MIDN: variants seen among roughly 807,000 people sequenced by gnomAD.
The protein encoded by MIDN is midnolin.
In MIDN, 26 loss-of-function variants were observed where a neutral mutation model predicts 46.1. The observed-to-expected ratio is 0.56, with a 90% confidence interval of 0.41 to 0.78. The LOEUF (loss-of-function observed/expected upper bound fraction) is 0.78. MIDN is among the 30% of genes least tolerant of loss of function. The pLI is 0.00. For synonymous variants in MIDN, 432 were observed against 343.3 expected (o/e 1.26, Z -2.86); for missense variants, 850 against 771.8 (o/e 1.10, Z -1.20).
intron 4 of MIDN, 121 bp from the exon 5 acceptor site, chr19:1,253,833 G>A: frequency 1.3e-6 from 1 of 769,986 alleles, no homozygotes; most frequent in Non-Finnish European, 1.8e-6. Flanking sequence ...AGTGAAGGTT[G>A]TTTGAGGTCA....
At chr19:1,249,628 A>G (rs1197539865) in intron 1 of MIDN, among the ~76,000 whole-genome samples, 2 of 147,106 alleles carry the variant, frequency 1.4e-5, no homozygotes, top group Admixed American at 6.7e-5. Context: ...GGGCGCGGAG[A>G]GGCGCCAGCC....
At chr19:1,251,500 C>T (rs2081127381) in intron 2 of MIDN, 62 bp from the exon 3 acceptor site, 7 of 1,508,826 alleles carry the variant, frequency 4.6e-6, no homozygotes, top group Non-Finnish European at 6.3e-6. Context: ...CCCCCGCGGC[C>T]TCTGCTTCCG....
rs377555924 is a variant in MIDN at position 1,257,470 on chromosome 19, A to G, written c.*198A>G. 1.8e-5 allele frequency: 10 copies of G among 544,608 alleles called. No individual in the cohort carries two copies. The highest frequency in any genetic ancestry group is 1.2e-4 in the African/African-American group (6 of 49,982). 33.7% of individuals were successfully genotyped at this position (544,608 alleles called of 1,614,324 possible). ...CTGACCGTGGTTTCCTGGACTCTTC[A>G]TGGGCTTTGCTTCCTACCTCCTTCA... On this transcript the variant is annotated 3_prime_UTR_variant, in exon 9 of 9. Coordinates refer to ENST00000682408, the MANE Select transcript of MIDN (RefSeq NM_001388306.1).
chr19:1,250,367 C>G lies in MIDN; in HGVS notation c.71C>G (p.Pro24Arg), dbSNP rs1410496610. ...CCCGGCGGCGCCTGCGAGCTGGGCC[C>G]GGCGGCCGAGGCGGCGCCCATGAGC... ...GAPGGACELGPAAEAAPMSLA... is the reference protein window; with the variant it reads ...GAPGGACELGRAAEAAPMSLA... The change falls in exon 2 of 9, where the codon CCG (proline) becomes CGG (arginine). Residue 24 changes from proline to arginine, a missense_variant. Transcript: ENST00000682408. 8.8e-7 allele frequency: 1 copy of G among 1,142,626 alleles called. No individual in the cohort carries two copies. 70.8% of individuals were successfully genotyped at this position (1,142,626 alleles called of 1,614,324 possible).
rs1235656178 is a variant in MIDN at position 1,254,292 on chromosome 19, C to T, written c.639C>T (p.Ala213=). 30 of 1,570,606 alleles carry T rather than the reference C, an allele frequency of 1.9e-5. No individual in the cohort carries two copies. The highest frequency in any genetic ancestry group is 1.2e-4 in the East Asian group (5 of 43,458). ...CACTGCAACACCGCCATGTGCTGGC[C>T]GCTGCGGCCGCCGCCGCTGCTGCGC... ...HAPLQHRHVL[A]AAAAAAAARG... is the part of the protein sequence containing the mutation. Residue 213 remains alanine (A), a synonymous_variant, in exon 6 of 9, where the codon GCC becomes GCT. Transcript: ENST00000682408.
chr19:1,249,836 C>T (rs2081101056), intron 1 of MIDN, 54 bp from the exon 2 acceptor site: 1 of 151,750 alleles, frequency 6.6e-6, no homozygotes, highest in Non-Finnish European at 1.5e-5. Context: ...GCGGCCCCGC[C>T]CCCTGGAACG....
At chr19:1,251,518 G>T (rs764619992) in intron 2 of MIDN, 44 bp from the exon 3 acceptor site, 2 of 1,585,082 alleles carry the variant, frequency 1.3e-6, no homozygotes, top group East Asian at 2.3e-5. Context: ...CCGCGTCCCT[G>T]TGTCGTCTCC....
In MIDN at chr19:1,257,902, C is replaced by CTT. The variant is rs3214177; in HGVS notation, c.*637_*638dup. 3.2e-3 allele frequency: 483 copies of CTT among 151,932 alleles called. 1 individual carries two copies. Among genetic ancestry groups the CTT allele is most frequent in the African/African-American group, 0.011 (444 of 41,350 alleles). 9.4% of individuals were successfully genotyped at this position (151,932 alleles called of 1,614,324 possible). A position where few individuals can be genotyped will look rare whatever the true frequency, so the allele number is the denominator to read the frequency against. On this transcript the variant is annotated 3_prime_UTR_variant, in exon 9 of 9. Coordinates refer to ENST00000682408, the MANE Select transcript of MIDN (RefSeq NM_001388306.1). ...TCCACTCCTATCCTCTTTTCTTGAT[C>CTT]TTTTTTTTGCATTTTCCTTCATTTC...
intron 1 of MIDN, 34 bp from the exon 2 acceptor site, chr19:1,249,856 T>A (rs973699110): frequency 6.6e-6 from 1 of 151,596 alleles, no homozygotes; most frequent in African/African-American, 2.4e-5. Context: ...GTTGATACAT[T>A]ATAACTTTTT....
rs1478701659 is a variant in MIDN at position 1,250,313 on chromosome 19, G to A, written c.17G>A (p.Gly6Asp). 2.0e-6 allele frequency: 2 copies of A among 991,996 alleles called. No homozygotes were observed. The highest frequency in any genetic ancestry group is 2.4e-6 in the Non-Finnish European group (2 of 835,602). 61.4% of individuals were successfully genotyped at this position (991,996 alleles called of 1,614,324 possible). A position where few individuals can be genotyped will look rare whatever the true frequency, so the allele number is the denominator to read the frequency against. The change falls in exon 2 of 9, where the codon GGC becomes GAC. Residue 6 changes from glycine (G) to aspartate (D), a missense_variant. Physicochemically the swap from Gly to Asp is moderately conservative, Grantham distance 94. Coordinates refer to ENST00000682408, the MANE Select transcript of MIDN (RefSeq NM_001388306.1). ...GCGCCGGGGATGGAGCCGCAGCCCG[G>A]CGGCGCCCGGAGCTGCCGGCGCGGG... MEPQP[G>D]GARSCRRGAP...
intron 4 of MIDN, 79 bp from the exon 5 acceptor site, chr19:1,253,875 C>G: frequency 3.2e-6 from 4 of 1,244,640 alleles, no homozygotes; most frequent in Non-Finnish European, 4.1e-6. Flanking sequence ...CCCCCTCTGG[C>G]CTCAGTTTCC....
At chr19:1,250,791 T>C (rs1285268859) in intron 2 of MIDN, among the ~76,000 whole-genome samples, 2 of 151,610 alleles carry the variant, frequency 1.3e-5, no homozygotes, top group African/African-American at 4.8e-5. Flanking sequence ...CCCAGGGCGT[T>C]GCGGGGGTCC....
rs1296528392 is a variant in MIDN, at chr19:1,251,591, T to G, written c.263T>G (p.Phe88Cys). 3 of 1,606,744 alleles carry G rather than the reference T, an allele frequency of 1.9e-6. No individual in the cohort carries two copies. Among genetic ancestry groups the G allele is most frequent in the Admixed American group, 3.5e-5 (2 of 57,854 alleles). The change falls in exon 3 of 9, where the codon TTC (phenylalanine) becomes TGC (cysteine). Residue 88 changes from phenylalanine to cysteine, a missense_variant. Transcript: ENST00000682408. ...TRLSSGKLQEFGVGDGSKLTL... is the reference protein window; with the variant it reads ...TRLSSGKLQECGVGDGSKLTL... Reference sequence around the variant, plus strand: ...CTCAGTTCGGGGAAGCTGCAGGAGTTCGGCGTGGGTGATGGCAGCAAGCTG... The same window carrying G: ...CTCAGTTCGGGGAAGCTGCAGGAGTGCGGCGTGGGTGATGGCAGCAAGCTG...
intron 1 of MIDN, among the ~76,000 whole-genome samples, chr19:1,249,031 C>T (rs1434967855): frequency 6.6e-6 from 1 of 152,002 alleles, no homozygotes; most frequent in Non-Finnish European, 1.5e-5. Flanking sequence ...CAGCGCGGCG[C>T]CCCCTCCCCG....
At chr19:1,253,201 C>T (rs1014723117) in intron 4 of MIDN, among the ~76,000 whole-genome samples, 8 of 151,914 alleles carry the variant, frequency 5.3e-5, no homozygotes, top group Non-Finnish European at 7.4e-5. Flanking sequence ...CGGGCCCTTC[C>T]TGCAAAGGCT....
In MIDN at chr19:1,250,501, G is replaced by A; in HGVS notation, c.205G>A (p.Glu69Lys). ...RLSQRLKVPKERLALLHKDTR... is the reference protein window; with the variant it reads ...RLSQRLKVPKKRLALLHKDTR... ...GTCCCAGCGCCTCAAAGTGCCCAAG[G>A]AGCGCCTGGCTCTTCTCCACAAAGA... The change falls in exon 2 of 9, where the codon GAG becomes AAG. Residue 69 changes from glutamate to lysine, a missense_variant. Coordinates refer to ENST00000682408, the MANE Select transcript of MIDN (RefSeq NM_001388306.1). 7.4e-7 allele frequency: 1 copy of A among 1,343,322 alleles called. No homozygotes were observed. The highest frequency in any genetic ancestry group is 9.8e-7 in the Non-Finnish European group (1 of 1,022,848). 83.2% of individuals were successfully genotyped at this position (1,343,322 alleles called of 1,614,324 possible).
chr19:1,249,648 C>T (rs1373829427), intron 1 of MIDN, among the ~76,000 whole-genome samples: 2 of 147,854 alleles, frequency 1.4e-5, no homozygotes, highest in Non-Finnish European at 3.0e-5. Flanking sequence ...CCCGCCCCCG[C>T]TGCGCTCCCC....
In MIDN at chr19:1,257,418, A is replaced by C. The variant is rs920582389; in HGVS notation, c.*146A>C. The C allele has an allele frequency of 6.4e-5, 41 of 640,908 alleles. No homozygotes were observed. Among genetic ancestry groups the C allele is most frequent in the Middle Eastern group, 8.5e-4 (2 of 2,362 alleles). The allele number at this position is 640,908 out of a possible 1,614,324, so 39.7% of individuals were successfully genotyped here. The stretch of plus-strand genomic sequence containing the variant: ...GTCTTTTTTTCTTTTCTTCTTTTTT[A>C]TTATTTTTTTCTTTTTTTAAAAAGT... On this transcript the variant is annotated 3_prime_UTR_variant, in exon 9 of 9. Coordinates refer to ENST00000682408, the MANE Select transcript of MIDN (RefSeq NM_001388306.1).
intron 6 of MIDN, among the ~76,000 whole-genome samples, 199 bp downstream of exon 6, chr19:1,254,677 G>A (rs561377464): frequency 7.2e-5 from 11 of 152,220 alleles, no homozygotes; most frequent in Admixed American, 2.0e-4. Context: ...GACGGTCATC[G>A]CCTGACATGA....
Sources: gnomAD v4.1 joint callset for allele counts (sites outside exome capture counted in the v4.1 genomes callset) on GRCh38, gnomAD v4.1.1 for gene constraint, MANE v1.5 for transcripts, NCBI Gene and HGNC (gene_info 2026-07-23, HGNC 2026-07-21) for gene names.